The following RBFOX3 variants were observed in gnomAD, a reference collection of about 807,000 sequenced individuals.
RBFOX3 encodes RNA binding fox-1 homolog 3.
A neutral mutation model predicts 48.7 loss-of-function variants in RBFOX3; 17 were observed. The ratio of observed to expected loss-of-function variants is 0.35; its 90% CI spans 0.24 to 0.52. RBFOX3 has a LOEUF of 0.52. Ranked by LOEUF, RBFOX3 falls within the 20% of genes least tolerant of loss-of-function variation. RBFOX3 has a pLI of 0.94. For missense variants in RBFOX3, 382 were observed against 497.5 expected (o/e 0.77, Z 2.21); for synonymous variants, 212 against 209.5 (o/e 1.01, Z -0.10).
At position 79,473,692 on chromosome 17, in the gene RBFOX3, C is replaced by T. The variant is rs1267994384; in HGVS notation, c.-175+8762G>A. Among the ~76,000 whole-genome samples the T allele has an allele frequency of 1.3e-5, 2 of 152,340 alleles. No homozygotes were observed. Among genetic ancestry groups the T allele is most frequent in the South Asian group, 2.1e-4 (1 of 4,832 alleles). ...CCCTGCAAGCTCCCTGTAATTCCAG[C>T]CATTACTCAGCAATGCTCAGCAATG... On this transcript the variant is annotated intron_variant, in intron 2 of 14. Transcript: ENST00000693108. This position sits in a 1 kb window ranked among gnomAD's most constrained non-coding sequence, Gnocchi z 4.2.
At chr17:79,654,268 C>T in the RBFOX3 span, among the ~76,000 whole-genome samples, 1 of 152,166 alleles carries the variant, frequency 6.6e-6, no homozygotes, top group South Asian at 2.1e-4. Context: ...GACCAGCTTT[C>T]GGACTCTCCA....
At chr17:79,216,377 G>T (rs1223842870) in intron 4 of RBFOX3, among the ~76,000 whole-genome samples, 1 of 152,226 alleles carries the variant, frequency 6.6e-6, no homozygotes, top group African/African-American at 2.4e-5. Flanking sequence ...CACGGAGCAG[G>T]TGGGGAGGGG....
intron 3 of RBFOX3, among the ~76,000 whole-genome samples, chr17:79,268,610 G>A (rs2143509579): frequency 6.6e-6 from 1 of 152,142 alleles, no homozygotes; most frequent in East Asian, 1.9e-4. Flanking sequence ...CCCCTGGCCT[G>A]CACATCCTCC....
chr17:79,647,747 C>A, the RBFOX3 span, among the ~76,000 whole-genome samples: 1 of 152,170 alleles, frequency 6.6e-6, no homozygotes, highest in Non-Finnish European at 1.5e-5. Flanking sequence ...GGGCTTCGAT[C>A]CACCTGACCC....
At chr17:79,630,529 C>A in the RBFOX3 span, among the ~76,000 whole-genome samples, 3,222 of 152,152 alleles carry the variant, frequency 0.021, 132 homozygotes, top group African/African-American at 0.072. Flanking sequence ...AATGGGTTTG[C>A]CGGTATCAGG....
intron 1 of RBFOX3, among the ~76,000 whole-genome samples, chr17:79,483,290 C>A (rs1253797025): frequency 6.6e-6 from 1 of 151,800 alleles, no homozygotes; most frequent in African/African-American, 2.4e-5. Flanking sequence ...CAGTCTGGCT[C>A]CCTCTCCTAG....
Position 79,103,956 on chromosome 17 carries a change from T to G in RBFOX3, c.414+117A>C. The G allele has an allele frequency of 1.2e-6, 1 of 817,662 alleles. No homozygotes were observed. The highest frequency in any genetic ancestry group is 1.5e-5 in the South Asian group (1 of 65,276). 50.7% of individuals were successfully genotyped at this position (817,662 alleles called of 1,614,324 possible). ...GAAGAGCGGGGAATACAAGCACCCG[T>G]GTCGCTCAGGGGTCCTCGGGCGCGA... On this transcript the variant is annotated intron_variant, in intron 7 of 14. Coordinates refer to ENST00000693108, the MANE Select transcript of RBFOX3 (RefSeq NM_001350451.2). This position sits in a 1 kb window ranked among gnomAD's most constrained non-coding sequence, Gnocchi z 6.1.
chr17:79,548,717 A>G (rs2090818134), intron 1 of RBFOX3, among the ~76,000 whole-genome samples: 1 of 152,188 alleles, frequency 6.6e-6, no homozygotes, highest in Non-Finnish European at 1.5e-5. Context: ...GCCTGCTACC[A>G]TCTCTACAGG....
chr17:79,534,610 C>G (rs1173914224), intron 1 of RBFOX3, among the ~76,000 whole-genome samples: 9 of 152,212 alleles, frequency 5.9e-5, no homozygotes, highest in African/African-American at 2.2e-4. Flanking sequence ...GTCCCTGAAG[C>G]TTGGTAGCAA....
chr17:79,352,704 G>A (rs978139877), intron 2 of RBFOX3, among the ~76,000 whole-genome samples: 1 of 152,232 alleles, frequency 6.6e-6, no homozygotes, highest in African/African-American at 2.4e-5. Context: ...CACAGTGAGT[G>A]AAGAAAGGCA....
chr17:79,620,879 G>T, the RBFOX3 span, among the ~76,000 whole-genome samples: 1 of 152,164 alleles, frequency 6.6e-6, no homozygotes, highest in Non-Finnish European at 1.5e-5. Flanking sequence ...CCACTGTGAC[G>T]TCCTTAGCTG....
intron 1 of RBFOX3, among the ~76,000 whole-genome samples, chr17:79,593,548 G>GCAGAGATCT (rs1287813282): frequency 6.6e-4 from 101 of 152,326 alleles, no homozygotes; most frequent in African/African-American, 2.3e-3. Flanking sequence ...AGAGAATGGG[G>GCAGAGATCT]CAGAGATCTG....
chr17:79,571,069 A>G (rs1478699231), intron 1 of RBFOX3, among the ~76,000 whole-genome samples: 1 of 152,208 alleles, frequency 6.6e-6, no homozygotes, highest in Non-Finnish European at 1.5e-5. Flanking sequence ...TTGTAATGCC[A>G]GTTCCACGTC....
chr17:79,329,812 T>G (rs2079939826), intron 2 of RBFOX3, among the ~76,000 whole-genome samples: 1 of 152,160 alleles, frequency 6.6e-6, no homozygotes, highest in South Asian at 2.1e-4. Flanking sequence ...TTCACCGGGC[T>G]TCTCTTTTAA....
intron 2 of RBFOX3, among the ~76,000 whole-genome samples, chr17:79,332,196 C>T (rs996435397): frequency 1.8e-4 from 28 of 152,322 alleles, no homozygotes; most frequent in African/African-American, 6.5e-4. Context: ...TGTCTGCTGC[C>T]GTCTGGGCTG....
chr17:79,439,338 C>T (rs782383030), intron 2 of RBFOX3, among the ~76,000 whole-genome samples: 6 of 152,236 alleles, frequency 3.9e-5, no homozygotes, highest in African/African-American at 7.2e-5. Context: ...CGAAATCGCT[C>T]TGTTGTGTCA....
intron 1 of RBFOX3, among the ~76,000 whole-genome samples, chr17:79,548,729 G>T (rs1599122238): frequency 6.6e-6 from 1 of 152,344 alleles, no homozygotes; most frequent in South Asian, 2.1e-4. Context: ...CTCTACAGGG[G>T]TGTGCGTGTC....
chr17:79,547,477 A>AAAAAG (rs1555792256), intron 1 of RBFOX3, among the ~76,000 whole-genome samples: 112 of 152,050 alleles, frequency 7.4e-4, no homozygotes, highest in African/African-American at 2.1e-3. Flanking sequence ...AAAACAAAAA[A>AAAAAG]ACTGTTGCTT....
intron 2 of RBFOX3, among the ~76,000 whole-genome samples, chr17:79,442,816 C>A (rs1283940456): frequency 6.6e-6 from 1 of 152,152 alleles, no homozygotes; most frequent in Non-Finnish European, 1.5e-5. Context: ...CCCAGAAGAA[C>A]CCCTCCCAGG....
Sources: gnomAD v4.1 joint callset for allele counts (sites outside exome capture counted in the v4.1 genomes callset) on GRCh38, gnomAD v4.1.1 for gene constraint, Gnocchi (gnomAD v3.1) non-coding constraint, MANE v1.5 for transcripts, NCBI Gene and HGNC (gene_info 2026-07-23, HGNC 2026-07-21) for gene names.